SLF2: variants seen among roughly 807,000 people sequenced by gnomAD.
The protein encoded by SLF2 is SMC5/6 complex localization factor 2.
SLF2 carries 68 observed loss-of-function variants against 124.3 expected under a neutral mutation model. The ratio of observed to expected loss-of-function variants is 0.55; its 90% CI spans 0.45 to 0.67. The LOEUF (loss-of-function observed/expected upper bound fraction) is 0.67. SLF2 is among the 30% of genes least tolerant of loss of function. The pLI, the probability that SLF2 is intolerant of heterozygous loss-of-function variation, is 0.00. For synonymous variants in SLF2, 480 were observed against 478.8 expected, an observed-to-expected ratio of 1.00 and a Z score of -0.03; for missense variants, 1,246 against 1,373.7, an observed-to-expected ratio of 0.91 and a Z score of 1.47.
chr10:100,924,456 T>C lies in SLF2; in HGVS notation c.1455T>C (p.Ser485=), dbSNP rs1849575185. 2 of 1,614,130 alleles carry C rather than the reference T, an allele frequency of 1.2e-6. No homozygotes were observed. Among genetic ancestry groups the C allele is most frequent in the Non-Finnish European group, 1.7e-6 (2 of 1,180,028 alleles). ...LLSRVPSAGS[S]LVPLNAKNCA... is the part of the protein sequence containing the mutation. ...CCCGTGTTCCAAGTGCTGGTTCCTCTCTAGTACCATTAAATGCTAAAAATT... is the reference window on the plus strand; with the variant it reads ...CCCGTGTTCCAAGTGCTGGTTCCTCCCTAGTACCATTAAATGCTAAAAATT... Residue 485 remains serine, a synonymous_variant, in exon 5 of 20, where the codon TCT becomes TCC. Coordinates refer to ENST00000238961, the MANE Select transcript of SLF2 (RefSeq NM_018121.4).
At chr10:100,950,011 A>T (rs540616472) in intron 15 of SLF2, 65 bp from the exon 16 acceptor site, 9 of 1,437,696 alleles carry the variant, frequency 6.3e-6, no homozygotes, top group Admixed American at 2.3e-5. Context: ...ACTGGAAAAA[A>T]ATAGCCTAAG....
chr10:100,924,427 C>G lies in SLF2; in HGVS notation c.1426C>G (p.Leu476Val), dbSNP rs1242201067. 2.5e-6 allele frequency: 4 copies of G among 1,614,080 alleles called. No homozygotes were observed. The highest frequency in any genetic ancestry group is 3.4e-6 in the Non-Finnish European group (4 of 1,180,044). Residue 476 changes from leucine to valine, a missense_variant, in exon 5 of 20, where the codon CTT (leucine) becomes GTT (valine). Transcript: ENST00000238961. Reference sequence around the variant, plus strand: ...GGAGAAGGAGACAAAACTACCTTTACTTTCCCGTGTTCCAAGTGCTGGTTC... The same window carrying G: ...GGAGAAGGAGACAAAACTACCTTTAGTTTCCCGTGTTCCAAGTGCTGGTTC... ...TKEKETKLPL[L>V]SRVPSAGSSL...
At chr10:100,933,697 TGA>T (rs1233900458) in intron 9 of SLF2, among the ~76,000 whole-genome samples, 1 of 152,210 alleles carries the variant, frequency 6.6e-6, no homozygotes, top group African/African-American at 2.4e-5. Context: ...TGTTTATTTT[TGA>T]GAGAGAGTCT....
chr10:100,936,137 A>G (rs140116454), intron 9 of SLF2, among the ~76,000 whole-genome samples: 8 of 152,078 alleles, frequency 5.3e-5, no homozygotes, highest in African/African-American at 1.9e-4. Flanking sequence ...CTGAGATTAC[A>G]GGTGTGAGAC....
intron 1 of SLF2, chr10:100,913,513 G>A (rs1019705894): frequency 2.1e-4 from 261 of 1,251,742 alleles, no homozygotes; most frequent in Non-Finnish European, 2.5e-4. Flanking sequence ...TAGAAAGAAA[G>A]TGATTTTTTT....
intron 6 of SLF2, 112 bp downstream of exon 6, chr10:100,926,131 C>T: frequency 1.9e-6 from 3 of 1,580,052 alleles, no homozygotes; most frequent in Non-Finnish European, 2.6e-6. Flanking sequence ...GCATTTTGGA[C>T]TCTGTTGTCA....
chr10:100,933,380 T>C (rs1564776396), intron 9 of SLF2, among the ~76,000 whole-genome samples: 1 of 152,220 alleles, frequency 6.6e-6, no homozygotes, highest in Non-Finnish European at 1.5e-5. Flanking sequence ...ACTGTCTCAT[T>C]TCTCCTTTTT....
chr10:100,962,225 T>C lies in SLF2; in HGVS notation c.*313T>C, dbSNP rs901325434. On this transcript the variant is annotated 3_prime_UTR_variant, in exon 20 of 20. Transcript: ENST00000238961. ...CCAGTTAACTCCTCTTGTTAAATTA[T>C]AAGCCAGTTATCTTTTTTAGATAGT... 1.4e-5 allele frequency: 3 copies of C among 210,432 alleles called. No individual in the cohort carries two copies. Among genetic ancestry groups the C allele is most frequent in the Admixed American group, 5.8e-5 (1 of 17,224 alleles). The allele number at this position is 210,432 out of a possible 1,614,324, so 13.0% of individuals were successfully genotyped here.
chr10:100,926,540 A>C (rs1413833251), intron 6 of SLF2: 1 of 267,448 alleles, frequency 3.7e-6, no homozygotes, highest in Non-Finnish European at 7.0e-6. Context: ...AAGGAGGTCA[A>C]GGCTGTAGTG....
rs1850087651 is a variant in SLF2 at position 100,945,485 on chromosome 10, C to T, written c.2913C>T (p.Asn971=). The T allele has an allele frequency of 1.3e-6, 2 of 1,565,124 alleles. No individual in the cohort carries two copies. The highest frequency in any genetic ancestry group is 2.3e-5 in the Admixed American group (1 of 43,558). ...GCCTCCTGATAAACCTGATGAAAAA[C>T]ATCAGAGATTGGAACACAAAGGTAA... ...FQSLLINLMK[N]IRDWNTKVPE... Residue 971 remains asparagine, a synonymous_variant, in exon 13 of 20, where the codon AAC becomes AAT. Coordinates refer to ENST00000238961, the MANE Select transcript of SLF2 (RefSeq NM_018121.4).
intron 18 of SLF2, 34 bp downstream of exon 18, chr10:100,956,571 T>C (rs774218367): frequency 6.7e-7 from 1 of 1,481,946 alleles, no homozygotes. Flanking sequence ...CTTTTTTTTT[T>C]TCTTAATCTT....
chr10:100,943,876 A>T, intron 11 of SLF2, 150 bp from the exon 12 acceptor site: 1 of 540,810 alleles, frequency 1.8e-6, no homozygotes, highest in Non-Finnish European at 3.3e-6. Context: ...AGTATATATG[A>T]TTATCAAAAC....
chr10:100,952,297 T>C (rs1337406729), intron 17 of SLF2, among the ~76,000 whole-genome samples: 1 of 147,774 alleles, frequency 6.8e-6, no homozygotes, highest in African/African-American at 2.5e-5. Context: ...ATCCCAGCAC[T>C]TTGGGAGGCC....
chr10:100,918,914 C>T (rs1382179144), intron 4 of SLF2, among the ~76,000 whole-genome samples: 1 of 151,840 alleles, frequency 6.6e-6, no homozygotes. Flanking sequence ...TGAATCTCTG[C>T]CCTCTTCAGG....
intron 4 of SLF2, among the ~76,000 whole-genome samples, chr10:100,921,339 C>G (rs1466610916): frequency 6.6e-6 from 1 of 152,222 alleles, no homozygotes; most frequent in Non-Finnish European, 1.5e-5. Context: ...GCCTCAGCCT[C>G]CCAAAGTGCT....
Position 100,927,089 on chromosome 10 carries a change from A to G in SLF2, c.2042+1070A>G, listed in dbSNP as rs551814969. ...TGGGTAGAATTTTTTGTGTTTTTTT[A>G]ATGGAAAATACATATAAAATTTACC... On this transcript the variant is annotated intron_variant, in intron 6 of 19. Coordinates refer to ENST00000238961, the MANE Select transcript of SLF2 (RefSeq NM_018121.4). 5.9e-5 allele frequency among the ~76,000 whole-genome samples: 9 copies of G among 152,222 alleles called. No individual in the cohort carries two copies. In the East Asian group the frequency reaches 1.7e-3, roughly 29 times the overall value.
intron 15 of SLF2, among the ~76,000 whole-genome samples, chr10:100,949,480 T>C (rs1032486721): frequency 6.6e-6 from 1 of 152,226 alleles, no homozygotes; most frequent in Non-Finnish European, 1.5e-5. Context: ...GAGTCAACTT[T>C]GTTGACTTTC....
At chr10:100,946,270 T>TA (rs900450137) in intron 13 of SLF2, among the ~76,000 whole-genome samples, 10 of 151,978 alleles carry the variant, frequency 6.6e-5, no homozygotes, top group Non-Finnish European at 8.8e-5. Context: ...AAGCAACTGT[T>TA]ACGCTTTTTT....
rs1227271790 is a variant in SLF2, at chr10:100,947,723, A to T, written c.3033-37A>T. ...ATTTGCTTTTCAAGCAGTATTAATT[A>T]AAATACATTCTAAATACTTTTAACT... On this transcript the variant is annotated intron_variant, in intron 14 of 19. Transcript: ENST00000238961. 4 of 1,448,842 alleles carry T rather than the reference A, an allele frequency of 2.8e-6. No individual in the cohort carries two copies. In the Admixed American group the frequency reaches 7.0e-5, roughly 25 times the overall value. 89.7% of individuals were successfully genotyped at this position (1,448,842 alleles called of 1,614,324 possible).
Sources: gnomAD v4.1 joint callset for allele counts (sites outside exome capture counted in the v4.1 genomes callset) on GRCh38, gnomAD v4.1.1 for gene constraint, MANE v1.5 for transcripts, NCBI Gene and HGNC (gene_info 2026-07-23, HGNC 2026-07-21) for gene names.